The following XKR6 variants were observed in gnomAD, a reference collection of about 807,000 sequenced individuals.
XKR6 encodes the protein XK-related protein 6.
A neutral mutation model predicts 56.7 loss-of-function variants in XKR6; 22 were observed. That is an observed-to-expected ratio of 0.39 (90% confidence interval 0.28 to 0.55). The LOEUF (loss-of-function observed/expected upper bound fraction) is 0.55, where lower values mean the gene tolerates loss of function less well. Ranked by LOEUF, XKR6 falls within the 20% of genes least tolerant of loss-of-function variation. The pLI is 0.66. For missense variants in XKR6, 852 were observed against 889.0 expected, an observed-to-expected ratio of 0.96 and a Z score of 0.53; for synonymous variants, 524 against 387.8, an observed-to-expected ratio of 1.35 and a Z score of -4.13.
chr8:11,002,064 T>TC (rs1798252461), intron 1 of XKR6, among the ~76,000 whole-genome samples: 4 of 117,228 alleles, frequency 3.4e-5, no homozygotes, highest in Non-Finnish European at 6.9e-5. Context: ...ACCATGTGAG[T>TC]TAAAAAAAAA....
chr8:11,033,822 A>G (rs1315254112), intron 1 of XKR6, among the ~76,000 whole-genome samples: 1 of 152,150 alleles, frequency 6.6e-6, no homozygotes, highest in African/African-American at 2.4e-5. Context: ...GTCCAGAAAT[A>G]CACATTTTAA....
chr8:11,102,564 T>C (rs1172460572), intron 1 of XKR6, among the ~76,000 whole-genome samples: 3 of 152,158 alleles, frequency 2.0e-5, no homozygotes, highest in Admixed American at 6.5e-5. Flanking sequence ...AGAAATGTGA[T>C]CTTTTCAATA....
rs369137057 is a variant in XKR6, at chr8:11,055,122, G to A, written c.765-130292C>T. ...TGGTAAGGCTGACTTTATTCAGGGG[G>A]ACTGCCACCCAAGTATAGGGACTAC... On this transcript the variant is annotated intron_variant, in intron 1 of 2. Coordinates refer to ENST00000416569, the MANE Select transcript of XKR6 (RefSeq NM_173683.4). Among the ~76,000 whole-genome samples the A allele has an allele frequency of 1.1e-3, 162 of 152,292 alleles. 4 individuals are homozygous for A. Among genetic ancestry groups the A allele is most frequent in the African/African-American group, 3.8e-3 (157 of 41,552 alleles).
intron 1 of XKR6, among the ~76,000 whole-genome samples, chr8:11,145,033 G>A (rs914319601): frequency 1.4e-5 from 2 of 141,488 alleles, no homozygotes; most frequent in East Asian, 3.9e-4. Flanking sequence ...GGGAGAAAGG[G>A]AGAGAAAGAA....
At chr8:11,145,185 G>T (rs1008653217) in intron 1 of XKR6, among the ~76,000 whole-genome samples, 40 of 152,138 alleles carry the variant, frequency 2.6e-4, no homozygotes, top group African/African-American at 9.4e-4. Context: ...TTGGATTTCA[G>T]ATTTTTGGAT....
intron 1 of XKR6, among the ~76,000 whole-genome samples, chr8:11,020,811 CA>C (rs771529002): frequency 3.7e-4 from 57 of 152,316 alleles, no homozygotes; most frequent in Non-Finnish European, 6.3e-4. Context: ...TGCACTTGGG[CA>C]GGCCAGGTGA....
At chr8:11,020,787 C>G (rs1018331783) in intron 1 of XKR6, among the ~76,000 whole-genome samples, 9 of 152,190 alleles carry the variant, frequency 5.9e-5, no homozygotes, top group Non-Finnish European at 1.2e-4. Context: ...ATGCTTCCCC[C>G]TAAACTTGCT....
chr8:10,983,046 T>C (rs1344731347), intron 1 of XKR6, among the ~76,000 whole-genome samples: 1 of 152,188 alleles, frequency 6.6e-6, no homozygotes, highest in East Asian at 1.9e-4. Context: ...TGAAAGAATA[T>C]ATGAAAACAT....
chr8:11,177,274 G>C (rs1222560577), intron 1 of XKR6, among the ~76,000 whole-genome samples: 1 of 152,190 alleles, frequency 6.6e-6, no homozygotes, highest in African/African-American at 2.4e-5. Context: ...CCAACATTAT[G>C]ACCTGCATTA....
At chr8:11,167,233 C>G (rs139518512) in intron 1 of XKR6, among the ~76,000 whole-genome samples, 269 of 152,322 alleles carry the variant, frequency 1.8e-3, no homozygotes, top group African/African-American at 6.2e-3. Context: ...CAGCAACCAA[C>G]TGAACACTGA....
chr8:11,162,326 C>T (rs1299494059), intron 1 of XKR6, among the ~76,000 whole-genome samples: 1 of 152,118 alleles, frequency 6.6e-6, no homozygotes, highest in East Asian at 1.9e-4. Context: ...CCCCTTGGCC[C>T]TGAAGAGCTA....
At chr8:11,157,798 A>G (rs1278581676) in intron 1 of XKR6, among the ~76,000 whole-genome samples, 2 of 152,180 alleles carry the variant, frequency 1.3e-5, no homozygotes, top group Non-Finnish European at 2.9e-5. Flanking sequence ...TACAGGCGTG[A>G]GCCACCATGC....
At chr8:11,007,898 C>G (rs569386216) in intron 1 of XKR6, among the ~76,000 whole-genome samples, 1 of 152,016 alleles carries the variant, frequency 6.6e-6, no homozygotes, top group East Asian at 1.9e-4. Flanking sequence ...GGAGCTTGAG[C>G]CCTTGGAAGC....
At chr8:10,995,889 C>T (rs1267549506) in intron 1 of XKR6, among the ~76,000 whole-genome samples, 1 of 152,138 alleles carries the variant, frequency 6.6e-6, no homozygotes, top group Non-Finnish European at 1.5e-5. Context: ...GAGATGAGGC[C>T]TGAGCACCTG....
At chr8:10,979,529 C>T (rs910971590) in intron 1 of XKR6, among the ~76,000 whole-genome samples, 4 of 152,140 alleles carry the variant, frequency 2.6e-5, no homozygotes, top group African/African-American at 9.7e-5. Context: ...TTTAGAAAGA[C>T]CCCCGACCCT....
At chr8:10,962,784 C>T (rs111509978) in intron 1 of XKR6, among the ~76,000 whole-genome samples, 1 of 152,072 alleles carries the variant, frequency 6.6e-6, no homozygotes, top group African/African-American at 2.4e-5. Context: ...CGCCACCACA[C>T]CTGGCTAATT....
At chr8:11,086,391 T>C (rs2129171365) in intron 1 of XKR6, among the ~76,000 whole-genome samples, 1 of 152,238 alleles carries the variant, frequency 6.6e-6, no homozygotes, top group Middle Eastern at 3.4e-3. Flanking sequence ...CAGTGGGTGC[T>C]ATTCGCTGTT....
intron 1 of XKR6, among the ~76,000 whole-genome samples, chr8:11,052,742 C>T (rs111461288): frequency 1.4e-5 from 2 of 144,064 alleles, no homozygotes; most frequent in African/African-American, 5.1e-5. Flanking sequence ...GTTGGAATGG[C>T]CTTGCCCACC....
intron 1 of XKR6, among the ~76,000 whole-genome samples, chr8:10,943,491 T>C (rs1333098220): frequency 2.6e-5 from 4 of 152,038 alleles, no homozygotes; most frequent in Non-Finnish European, 5.9e-5. Context: ...AGGGTGCCCC[T>C]CTCTGTATCT....
Sources: allele counts gnomAD v4.1 joint callset (sites outside exome capture counted in the v4.1 genomes callset), GRCh38; gene constraint gnomAD v4.1.1; transcripts MANE v1.5; gene names NCBI Gene and HGNC (gene_info 2026-07-23, HGNC 2026-07-21).